The following RGS6 variants were observed in gnomAD, a reference collection of about 807,000 sequenced individuals.
The protein encoded by RGS6 is regulator of G-protein signaling 6.
RGS6 carries 30 observed loss-of-function variants against 78.5 expected under a neutral mutation model. That is an observed-to-expected ratio of 0.38 (90% CI 0.29 to 0.52). The LOEUF (loss-of-function observed/expected upper bound fraction) is 0.52, where lower values mean the gene tolerates loss of function less well. Ranked by LOEUF, RGS6 falls within the 20% of genes least tolerant of loss-of-function variation. RGS6 has a pLI of 0.85. For missense variants in RGS6, 495 were observed against 609.7 expected (o/e 0.81, Z 1.98); for synonymous variants, 206 against 206.0 (o/e 1.00, Z 0.00).
chr14:72,362,716 G>T (rs2081686411), intron 3 of RGS6, among the ~76,000 whole-genome samples: 1 of 152,218 alleles, frequency 6.6e-6, no homozygotes, highest in African/African-American at 2.4e-5. Flanking sequence ...AATGTCAAGT[G>T]TGCCACGTCA....
intron 2 of RGS6, among the ~76,000 whole-genome samples, chr14:72,046,672 T>C (rs1219856128): frequency 1.3e-5 from 2 of 151,806 alleles, no homozygotes; most frequent in Non-Finnish European, 2.9e-5. Context: ...CCTCTGCTTA[T>C]TCCTTCATCT....
intron 2 of RGS6, among the ~76,000 whole-genome samples, chr14:72,339,755 G>A (rs1245476821): frequency 1.3e-5 from 2 of 152,158 alleles, no homozygotes; most frequent in Non-Finnish European, 2.9e-5. Flanking sequence ...GCCTGAGCTG[G>A]TGTGTTCGGA....
intron 2 of RGS6, among the ~76,000 whole-genome samples, chr14:72,218,711 A>AAGTG (rs1204213085): frequency 6.6e-6 from 1 of 152,080 alleles, no homozygotes. Flanking sequence ...TCCTGGATTC[A>AAGTG]AGTGATTCTC....
At chr14:72,246,515 T>G (rs143572808) in intron 2 of RGS6, among the ~76,000 whole-genome samples, 2,168 of 152,350 alleles carry the variant, frequency 0.014, 65 homozygotes, top group African/African-American at 0.05. Flanking sequence ...TTTTGTACTG[T>G]GATAGTTTTC....
chr14:72,229,069 C>T (rs114615758), intron 2 of RGS6, among the ~76,000 whole-genome samples: 7,303 of 133,552 alleles, frequency 0.055, 414 homozygotes, highest in African/African-American at 0.14. Flanking sequence ...GTCTTCCCTT[C>T]CTTGTGAAAT....
At chr14:72,412,770 TTTGTTCTCTTTGG>T (rs1319492820) in intron 3 of RGS6, among the ~76,000 whole-genome samples, 2 of 152,238 alleles carry the variant, frequency 1.3e-5, no homozygotes, top group Non-Finnish European at 2.9e-5. Flanking sequence ...ATGTTGTGTC[TTTGTTCTCTTTGG>T]TTTCAAAGAA....
At chr14:72,282,216 T>A (rs11158953) in intron 2 of RGS6, among the ~76,000 whole-genome samples, 1 of 151,886 alleles carries the variant, frequency 6.6e-6, no homozygotes, top group Admixed American at 6.6e-5. Flanking sequence ...TGATGGCTGT[T>A]TGGTCCTGCG....
the RGS6 span, among the ~76,000 whole-genome samples, chr14:72,613,332 T>C: frequency 1.3e-5 from 2 of 152,254 alleles, no homozygotes; most frequent in South Asian, 2.1e-4. Context: ...GCCATTTTGC[T>C]CAATGCCTGG....
intron 2 of RGS6, among the ~76,000 whole-genome samples, chr14:72,029,316 C>A (rs941525442): frequency 6.6e-6 from 1 of 152,168 alleles, no homozygotes; most frequent in Non-Finnish European, 1.5e-5. Context: ...ATGTACATTT[C>A]TTTTGTCATT....
At chr14:72,115,789 AAC>A (rs1422472780) in intron 2 of RGS6, among the ~76,000 whole-genome samples, 1 of 152,214 alleles carries the variant, frequency 6.6e-6, no homozygotes, top group Admixed American at 6.5e-5. Flanking sequence ...AAATCTGGGA[AAC>A]ACAGTTCCAG....
At chr14:72,491,267 A>G (rs2096574393) in intron 12 of RGS6, among the ~76,000 whole-genome samples, 1 of 141,880 alleles carries the variant, frequency 7.0e-6, no homozygotes, top group Non-Finnish European at 1.5e-5. Context: ...TGCATTCTAA[A>G]TAAATAACCC....
intron 3 of RGS6, among the ~76,000 whole-genome samples, chr14:72,400,795 C>T (rs948327376): frequency 6.6e-6 from 1 of 152,174 alleles, no homozygotes; most frequent in Non-Finnish European, 1.5e-5. Flanking sequence ...CTCCACCTAC[C>T]TTCTTATCTC....
At chr14:72,364,478 AG>A (rs1439947661) in intron 3 of RGS6, among the ~76,000 whole-genome samples, 2 of 152,212 alleles carry the variant, frequency 1.3e-5, no homozygotes. Context: ...CAGACTTTCT[AG>A]CCATTTGAGA....
intron 13 of RGS6, among the ~76,000 whole-genome samples, chr14:72,507,386 A>G (rs1449770964): frequency 6.6e-6 from 1 of 152,350 alleles, no homozygotes; most frequent in South Asian, 2.1e-4. Context: ...TCTAGGCTCC[A>G]GAACTGTGAG....
chr14:72,493,789 A>G (rs1202620735), intron 12 of RGS6, among the ~76,000 whole-genome samples: 2 of 152,086 alleles, frequency 1.3e-5, no homozygotes, highest in African/African-American at 4.8e-5. Flanking sequence ...ACATGGAGTG[A>G]TGCCTACAAA....
intron 2 of RGS6, among the ~76,000 whole-genome samples, chr14:72,318,435 C>G (rs1481720525): frequency 6.6e-6 from 1 of 152,086 alleles, no homozygotes; most frequent in East Asian, 1.9e-4. Context: ...CACCCAAGAT[C>G]AATAATTTGC....
the RGS6 span, among the ~76,000 whole-genome samples, chr14:72,611,341 C>G: frequency 1.3e-5 from 2 of 152,208 alleles, no homozygotes; most frequent in South Asian, 2.1e-4. Flanking sequence ...TAAGCCAGCA[C>G]GAAGCTAGGA....
At chr14:72,496,667 G>A (rs1239306767) in intron 13 of RGS6, among the ~76,000 whole-genome samples, 2 of 152,198 alleles carry the variant, frequency 1.3e-5, no homozygotes, top group Non-Finnish European at 2.9e-5. Context: ...CATAATAAAT[G>A]ACACTGTTAA....
intron 1 of RGS6, among the ~76,000 whole-genome samples, chr14:71,936,045 CAT>C (rs1222332011): frequency 3.1e-5 from 1 of 32,724 alleles, no homozygotes; most frequent in African/African-American, 8.5e-5. Flanking sequence ...TATATATGTA[CAT>C]ATATATCATA....
Sources: allele counts gnomAD v4.1 joint callset (sites outside exome capture counted in the v4.1 genomes callset), GRCh38; gene constraint gnomAD v4.1.1; transcripts MANE v1.5; gene names NCBI Gene and HGNC (gene_info 2026-07-23, HGNC 2026-07-21).